Variants in ROBO2 observed in about 807,000 individuals in gnomAD.
ROBO2 encodes roundabout guidance receptor 2.
ROBO2 carries 53 observed loss-of-function variants against 160.8 expected under a neutral mutation model. The observed-to-expected ratio is 0.33, with a 90% confidence interval of 0.26 to 0.41. The LOEUF (loss-of-function observed/expected upper bound fraction) is 0.41, where lower values mean the gene tolerates loss of function less well. Ranked by LOEUF, ROBO2 falls within the 10% of genes least tolerant of loss-of-function variation. The probability of loss-of-function intolerance (pLI) is 1.00; values close to 1 mark genes in which losing one functional copy is unlikely to be tolerated. For missense variants in ROBO2, 1,577 were observed against 1,722.4 expected, an observed-to-expected ratio of 0.92 and a Z score of 1.49; for synonymous variants, 664 against 611.7, an observed-to-expected ratio of 1.09 and a Z score of -1.26.
At chr3:77,187,267 A>G (rs1376755889) in intron 2 of ROBO2, among the ~76,000 whole-genome samples, 1 of 152,000 alleles carries the variant, frequency 6.6e-6, no homozygotes, top group Non-Finnish European at 1.5e-5. Flanking sequence ...CTGGCCATTC[A>G]GCAAAGTGCA....
chr3:77,116,214 G>T (rs1320663887), intron 2 of ROBO2, among the ~76,000 whole-genome samples: 1 of 152,112 alleles, frequency 6.6e-6, no homozygotes, highest in South Asian at 2.1e-4. Context: ...ATGGCAGTTG[G>T]TCTTTATAAT....
chr3:76,810,369 C>G lies in ROBO2; in HGVS notation c.110-287645C>G, dbSNP rs2065067547. 2.0e-5 allele frequency among the ~76,000 whole-genome samples: 3 copies of G among 152,022 alleles called. No individual in the cohort carries two copies. The South Asian group carries it at 6.2e-4, about 32-fold the overall frequency. The stretch of plus-strand genomic sequence containing the variant: ...AGCGTCAAATGACTTTTTCTTGGAC[C>G]ACAGTTACTTTTCAATATTGAATTC... On this transcript the variant is annotated intron_variant, in intron 2 of 26. Coordinates refer to the ROBO2 transcript ENST00000487694.
intron 2 of ROBO2, among the ~76,000 whole-genome samples, chr3:76,538,538 A>G (rs559040015): frequency 6.6e-6 from 1 of 152,302 alleles, no homozygotes; most frequent in East Asian, 1.9e-4. Flanking sequence ...TACATGCATA[A>G]AACCTCTCAC....
In ROBO2 at chr3:77,522,655, G is replaced by GTGTTTATT; in HGVS notation, c.807-117_807-116insTTATTTGT. The GTGTTTATT allele has an allele frequency of 3.2e-6, 3 of 946,498 alleles. 1 individual carries two copies. The South Asian group carries it at 4.4e-5, about 14-fold the overall frequency. The allele number at this position is 946,498 out of a possible 1,614,324, so 58.6% of individuals were successfully genotyped here. ...TAATTGCACTTTGTGGCTGATTTGT[G>GTGTTTATT]TGTGTGTGTATTTGTGTTTAGGTAA... is the stretch of plus-strand genomic sequence containing the variant. On this transcript the variant is annotated intron_variant, in intron 5 of 25. Transcript: ENST00000461745.
intron 2 of ROBO2, among the ~76,000 whole-genome samples, chr3:76,703,888 A>G (rs1188374343): frequency 6.6e-6 from 1 of 152,204 alleles, no homozygotes; most frequent in Middle Eastern, 3.4e-3. Flanking sequence ...CAGTAATGGG[A>G]TTGCTGGGTC....
intron 2 of ROBO2, among the ~76,000 whole-genome samples, chr3:77,405,865 C>T (rs1478055725): frequency 6.6e-6 from 1 of 152,074 alleles, no homozygotes; most frequent in Admixed American, 6.6e-5. Context: ...TACTATCTGA[C>T]CCATTGAAGA....
chr3:77,472,640 T>C (rs1437450508), intron 2 of ROBO2, among the ~76,000 whole-genome samples: 1 of 152,164 alleles, frequency 6.6e-6, no homozygotes, highest in African/African-American at 2.4e-5. Flanking sequence ...CCATGGAGAT[T>C]TGAAACCCTG....
chr3:77,370,069 G>T (rs557683202), intron 2 of ROBO2, among the ~76,000 whole-genome samples: 11 of 152,298 alleles, frequency 7.2e-5, no homozygotes, highest in Non-Finnish European at 4.4e-5. Flanking sequence ...AAGCTGTAAT[G>T]CTCTGAAATG....
chr3:77,410,699 T>TCTTCCTCCTCCTCCTCCTCCTCCTCCTCC (rs1560758742), intron 2 of ROBO2, among the ~76,000 whole-genome samples: 9 of 40,998 alleles, frequency 2.2e-4, no homozygotes, highest in African/African-American at 4.9e-4. Flanking sequence ...CCTCCTCCTC[T>TCTTCCTCCTCCTCCTCCTCCTCCTCCTCC]TCCTCCTCCT....
chr3:77,024,091 A>G (rs977686293), intron 2 of ROBO2, among the ~76,000 whole-genome samples: 1 of 152,236 alleles, frequency 6.6e-6, no homozygotes, highest in African/African-American at 2.4e-5. Context: ...AAAGTCCTGC[A>G]TAGAAGAAAC....
chr3:76,164,403 C>T (rs938469447), intron 2 of ROBO2, among the ~76,000 whole-genome samples: 1 of 152,170 alleles, frequency 6.6e-6, no homozygotes, highest in Non-Finnish European at 1.5e-5. Context: ...TTTCAGTTTA[C>T]TTTGCCCAGA....
intron 2 of ROBO2, among the ~76,000 whole-genome samples, chr3:76,686,162 A>G (rs1437375670): frequency 6.6e-6 from 1 of 152,058 alleles, no homozygotes; most frequent in Non-Finnish European, 1.5e-5. Context: ...CCATAATCAA[A>G]GGTTTTCTGT....
rs185381563 is a variant in ROBO2 at position 76,920,474 on chromosome 3, T to A, written c.110-177540T>A. On this transcript the variant is annotated intron_variant, in intron 2 of 26. Transcript: ENST00000487694. ...GGAGGCATAAAAGTTCACCTTTTCC[T>A]AGTCTGAATTTGAAAAGTTAGTTTT... Among the ~76,000 whole-genome samples the A allele has an allele frequency of 5.4e-3, 821 of 152,334 alleles. 9 individuals carry two copies. The highest frequency in any genetic ancestry group is 0.019 in the African/African-American group (783 of 41,582).
intron 2 of ROBO2, among the ~76,000 whole-genome samples, chr3:76,455,790 A>T (rs1185066370): frequency 6.6e-6 from 1 of 152,312 alleles, no homozygotes. Flanking sequence ...CTAATATGCC[A>T]GTGTCCACGT....
chr3:76,007,027 C>T (rs371882992), intron 2 of ROBO2, among the ~76,000 whole-genome samples: 9 of 152,022 alleles, frequency 5.9e-5, no homozygotes, highest in East Asian at 5.8e-4. Flanking sequence ...TAAGGGACTA[C>T]GTAGCAGCTA....
At chr3:76,767,438 C>G (rs2061635800) in intron 2 of ROBO2, among the ~76,000 whole-genome samples, 1 of 151,518 alleles carries the variant, frequency 6.6e-6, no homozygotes, top group South Asian at 2.1e-4. Context: ...TTAAAGTAGG[C>G]ATCATGTACA....
chr3:76,538,311 T>C (rs146942622), intron 2 of ROBO2, among the ~76,000 whole-genome samples: 1 of 152,336 alleles, frequency 6.6e-6, no homozygotes, highest in East Asian at 1.9e-4. Flanking sequence ...TCCCTTCTCT[T>C]TTCTACGTAG....
At chr3:76,920,293 C>T (rs995750598) in intron 2 of ROBO2, among the ~76,000 whole-genome samples, 9 of 152,020 alleles carry the variant, frequency 5.9e-5, no homozygotes, top group African/African-American at 2.2e-4. Flanking sequence ...CCTTTATTAG[C>T]TTATTCATAA....
At position 76,441,258 on chromosome 3, in the gene ROBO2, C is replaced by T. The variant is rs762033468; in HGVS notation, c.109+503656C>T. Reference sequence around the variant, plus strand: ...AAGTTATCGAAGAGTTTCTAAGAAGCCTAGAATGTCTGTGGTACTATTCTT... The same window carrying T: ...AAGTTATCGAAGAGTTTCTAAGAAGTCTAGAATGTCTGTGGTACTATTCTT... On this transcript the variant is annotated intron_variant, in intron 2 of 26. Coordinates refer to the ROBO2 transcript ENST00000487694. 1.9e-4 allele frequency among the ~76,000 whole-genome samples: 29 copies of T among 152,242 alleles called. 1 individual carries two copies. Among genetic ancestry groups the T allele is most frequent in the Admixed American group, 5.9e-4 (9 of 15,272 alleles).
Sources: allele counts gnomAD v4.1 joint callset (sites outside exome capture counted in the v4.1 genomes callset), GRCh38; gene constraint gnomAD v4.1.1; transcripts MANE v1.5; gene names NCBI Gene and HGNC (gene_info 2026-07-23, HGNC 2026-07-21).